The following FABP12 variants were observed in gnomAD, a reference collection of about 807,000 sequenced individuals.
The protein encoded by FABP12 is fatty acid-binding protein 12.
In FABP12, 19 loss-of-function variants were observed where a neutral mutation model predicts 13.7. The ratio of observed to expected loss-of-function variants is 1.39; its 90% CI spans 0.97 to 2.04. The LOEUF is 2.04. Among genes scored for constraint, FABP12 ranks in the 30% most tolerant of loss-of-function variants. The pLI, the probability that FABP12 is intolerant of heterozygous loss-of-function variation, is 0.00. For missense variants in FABP12, 182 were observed against 164.2 expected (o/e 1.11, Z -0.59); for synonymous variants, 61 against 57.0 (o/e 1.07, Z -0.32).
chr8:81,541,478 C>T (rs1268323065), intron 1 of FABP12, among the ~76,000 whole-genome samples: 6 of 151,134 alleles, frequency 4.0e-5, no homozygotes, highest in African/African-American at 1.5e-4. Flanking sequence ...GACCCCCACG[C>T]TCAATTTGCA....
intron 1 of FABP12, among the ~76,000 whole-genome samples, chr8:81,585,633 G>A (rs1389905877): frequency 6.6e-6 from 1 of 151,952 alleles, no homozygotes. Context: ...TTGGCATTTT[G>A]GTAGGAATTT....
rs1216223309 is a variant in FABP12 at position 81,541,487 on chromosome 8, C to T, written c.-184-1744G>A. ...TTTTGAGACCCCCACGCTCAATTTG[C>T]AAACTAATTCTGACTGCTAAGTTTC... On this transcript the variant is annotated intron_variant, in intron 1 of 5. Coordinates refer to the FABP12 transcript ENST00000692030. 3.3e-5 allele frequency among the ~76,000 whole-genome samples: 5 copies of T among 152,174 alleles called. No homozygotes were observed. The East Asian group carries it at 9.6e-4, about 29-fold the overall frequency.
chr8:81,543,185 C>T (rs1404217856), intron 1 of FABP12, among the ~76,000 whole-genome samples: 1 of 152,192 alleles, frequency 6.6e-6, no homozygotes, highest in African/African-American at 2.4e-5. Flanking sequence ...GCTTTGTGAT[C>T]ATACATGTAC....
chr8:81,534,132 C>T (rs1186559452), upstream of FABP12, among the ~76,000 whole-genome samples: 3 of 152,096 alleles, frequency 2.0e-5, no homozygotes, highest in Non-Finnish European at 4.4e-5. Context: ...CACACATACA[C>T]ACACACCATA....
chr8:81,532,726 C>T (rs1353235434), intron 1 of FABP12, among the ~76,000 whole-genome samples: 1 of 152,210 alleles, frequency 6.6e-6, no homozygotes, highest in Admixed American at 6.5e-5. Context: ...GAGGCTGAGG[C>T]AGAAGAATCA....
chr8:81,540,972 T>G (rs1478957371), intron 1 of FABP12, among the ~76,000 whole-genome samples: 1 of 151,790 alleles, frequency 6.6e-6, no homozygotes, highest in African/African-American at 2.4e-5. Context: ...TCAAGACCAG[T>G]CTGGCCAAGA....
chr8:81,531,546 G>A (rs74854648), intron 1 of FABP12, among the ~76,000 whole-genome samples, 156 bp from the exon 2 acceptor site: 6,066 of 152,224 alleles, frequency 0.04, 180 homozygotes, highest in East Asian at 0.16. Context: ...AAACACAGTA[G>A]AGTGTTTAGC....
chr8:81,555,764 A>C (rs385126), intron 1 of FABP12, among the ~76,000 whole-genome samples: 8,661 of 152,306 alleles, frequency 0.057, 301 homozygotes, highest in Middle Eastern at 0.12. Flanking sequence ...TTAATAAAAA[A>C]TTTTAAATAG....
chr8:81,579,899 TG>T (rs567976445), intron 1 of FABP12, among the ~76,000 whole-genome samples: 1 of 152,130 alleles, frequency 6.6e-6, no homozygotes, highest in Non-Finnish European at 1.5e-5. Context: ...TTTTACCTAA[TG>T]AAAAAAAAGT....
upstream of FABP12, among the ~76,000 whole-genome samples, chr8:81,536,351 A>G (rs1809221571): frequency 1.3e-5 from 2 of 152,244 alleles, no homozygotes; most frequent in South Asian, 4.1e-4. Context: ...TAACAGAAGT[A>G]CAGATCTCAT....
upstream of FABP12, among the ~76,000 whole-genome samples, chr8:81,538,224 C>T (rs566020673): frequency 2.0e-4 from 31 of 152,236 alleles, no homozygotes; most frequent in South Asian, 6.2e-4. Context: ...TCTGCCCCCA[C>T]GACCTAAACA....
At chr8:81,576,685 T>G (rs1266953406) in intron 1 of FABP12, among the ~76,000 whole-genome samples, 2 of 152,230 alleles carry the variant, frequency 1.3e-5, no homozygotes, top group Non-Finnish European at 2.9e-5. Context: ...GATATGCTGT[T>G]AGTATAGCCT....
intron 1 of FABP12, among the ~76,000 whole-genome samples, chr8:81,556,291 G>A (rs1809614480): frequency 6.6e-6 from 1 of 152,146 alleles, no homozygotes; most frequent in Admixed American, 6.5e-5. Flanking sequence ...TGAATGTGTA[G>A]ATGGACAAAG....
chr8:81,529,289 T>A (rs774347342), intron 3 of FABP12, 149 bp downstream of exon 3: 198 of 740,912 alleles, frequency 2.7e-4, no homozygotes, highest in Non-Finnish European at 3.7e-4. Flanking sequence ...AAGATTTGTA[T>A]CTTCACATTG....
intron 1 of FABP12, among the ~76,000 whole-genome samples, chr8:81,569,487 G>T (rs917745109): frequency 2.0e-5 from 3 of 152,190 alleles, no homozygotes; most frequent in African/African-American, 7.2e-5. Context: ...GAAGGGAGCA[G>T]GTGACTTAGC....
At chr8:81,575,854 A>G (rs944218737) in intron 1 of FABP12, among the ~76,000 whole-genome samples, 3 of 152,160 alleles carry the variant, frequency 2.0e-5, no homozygotes, top group African/African-American at 7.2e-5. Context: ...TGCTCATGTG[A>G]GGGATCTAGG....
intron 1 of FABP12, among the ~76,000 whole-genome samples, chr8:81,562,007 G>C (rs1809731363): frequency 1.3e-5 from 2 of 152,152 alleles, no homozygotes; most frequent in African/African-American, 4.8e-5. Context: ...TCCAACACCA[G>C]GCAGTACAGC....
chr8:81,525,657 A>G (rs11997817), intron 4 of FABP12, among the ~76,000 whole-genome samples: 12,879 of 152,232 alleles, frequency 0.085, 1,086 homozygotes, highest in African/African-American at 0.21. Flanking sequence ...CGAATCACAT[A>G]CATGTGGTAT....
chr8:81,549,338 A>G (rs1306047964), intron 1 of FABP12, among the ~76,000 whole-genome samples: 1 of 152,146 alleles, frequency 6.6e-6, no homozygotes, highest in Non-Finnish European at 1.5e-5. Flanking sequence ...GAATACATTA[A>G]CAGAAGGCCT....
Sources: gnomAD v4.1 joint callset for allele counts (sites outside exome capture counted in the v4.1 genomes callset) on GRCh38, gnomAD v4.1.1 for gene constraint, MANE v1.5 for transcripts, NCBI Gene and HGNC (gene_info 2026-07-23, HGNC 2026-07-21) for gene names.